Variants in DDAH1 observed in about 807,000 individuals in gnomAD.
DDAH1 encodes the protein dimethylarginine dimethylaminohydrolase 1.
In DDAH1, 19 loss-of-function variants were observed where a neutral mutation model predicts 28.8. That is an observed-to-expected ratio of 0.66 (90% CI 0.46 to 0.97). DDAH1 has a LOEUF of 0.97. Among genes scored for constraint, DDAH1 ranks in the 50% least tolerant of loss-of-function variants. The pLI is 0.00. For missense variants in DDAH1, 326 were observed against 375.9 expected, an observed-to-expected ratio of 0.87 and a Z score of 1.10; for synonymous variants, 153 against 154.4, an observed-to-expected ratio of 0.99 and a Z score of 0.07.
At chr1:85,559,048 A>G (rs1265791901) in intron 1 of DDAH1, among the ~76,000 whole-genome samples, 1 of 152,234 alleles carries the variant, frequency 6.6e-6, no homozygotes, top group Non-Finnish European at 1.5e-5. Flanking sequence ...GCAGTTTGAC[A>G]TTATATATCA....
At chr1:85,328,683 T>C (rs1477030283) in intron 4 of DDAH1, among the ~76,000 whole-genome samples, 1 of 152,170 alleles carries the variant, frequency 6.6e-6, no homozygotes, top group African/African-American at 2.4e-5. Flanking sequence ...AGCCAGAGGT[T>C]TACTAAGTAG....
chr1:85,445,577 T>C (rs995509802), intron 1 of DDAH1, among the ~76,000 whole-genome samples: 1 of 152,190 alleles, frequency 6.6e-6, no homozygotes, highest in Non-Finnish European at 1.5e-5. Context: ...ATATGCTCAA[T>C]GAAAATATCA....
intron 1 of DDAH1, among the ~76,000 whole-genome samples, chr1:85,450,612 T>G (rs1304952111): frequency 6.6e-6 from 1 of 152,196 alleles, no homozygotes; most frequent in East Asian, 1.9e-4. Context: ...TAATCACTGT[T>G]GTATAAAGCA....
intron 1 of DDAH1, among the ~76,000 whole-genome samples, chr1:85,574,463 C>T (rs1033321264): frequency 2.0e-5 from 3 of 152,178 alleles, no homozygotes; most frequent in African/African-American, 7.2e-5. Flanking sequence ...ATTGTTATGC[C>T]CAGTCAAGGC....
At chr1:85,486,467 T>A (rs1656206994) in intron 2 of DDAH1, among the ~76,000 whole-genome samples, 1 of 152,166 alleles carries the variant, frequency 6.6e-6, no homozygotes, top group African/African-American at 2.4e-5. Flanking sequence ...AGAGTTAGAA[T>A]CCTCCTGCAA....
chr1:85,577,322 G>C (rs1035862771), intron 1 of DDAH1, among the ~76,000 whole-genome samples: 1 of 152,252 alleles, frequency 6.6e-6, no homozygotes, highest in Admixed American at 6.5e-5. Context: ...CAAGCCAAGG[G>C]GATGGGGGCG....
At chr1:85,401,565 C>T (rs934068514) in intron 1 of DDAH1, among the ~76,000 whole-genome samples, 1 of 148,740 alleles carries the variant, frequency 6.7e-6, no homozygotes, top group Non-Finnish European at 1.5e-5. Flanking sequence ...AGTCGCATGA[C>T]CAAGGTTCAC....
chr1:85,431,571 A>C (rs1570534801), intron 1 of DDAH1, among the ~76,000 whole-genome samples: 5 of 143,332 alleles, frequency 3.5e-5, no homozygotes, highest in Admixed American at 7.0e-5. Flanking sequence ...CCTCACCTCT[A>C]CCCCCTCCTC....
chr1:85,395,612 C>T (rs1651772793), intron 1 of DDAH1, among the ~76,000 whole-genome samples: 2 of 150,850 alleles, frequency 1.3e-5, no homozygotes, highest in African/African-American at 2.4e-5. Flanking sequence ...GCAGAGATTG[C>T]GGTGAGCTGA....
At chr1:85,450,328 T>C (rs185918032) in intron 1 of DDAH1, among the ~76,000 whole-genome samples, 29 of 152,300 alleles carry the variant, frequency 1.9e-4, no homozygotes, top group African/African-American at 7.0e-4. Context: ...GACAAACCTG[T>C]ATCAAAAGTT....
intron 1 of DDAH1, among the ~76,000 whole-genome samples, chr1:85,507,993 T>C (rs1293037872): frequency 6.6e-6 from 1 of 152,242 alleles, no homozygotes; most frequent in African/African-American, 2.4e-5. Context: ...ACTTAATAAA[T>C]GATTTCATGA....
intron 2 of DDAH1, among the ~76,000 whole-genome samples, chr1:85,487,661 G>C (rs145800584): frequency 3.9e-5 from 6 of 152,202 alleles, no homozygotes; most frequent in African/African-American, 1.4e-4. Context: ...GCATCAAAAA[G>C]TATAAAAAGA....
intron 1 of DDAH1, among the ~76,000 whole-genome samples, chr1:85,397,636 T>C (rs186634630): frequency 6.6e-6 from 1 of 152,344 alleles, no homozygotes; most frequent in Admixed American, 6.5e-5. Flanking sequence ...ATGATTATTT[T>C]CATAAGCTCA....
intron 2 of DDAH1, chr1:85,496,140 A>T (rs1198093562): frequency 1.6e-6 from 1 of 634,152 alleles, no homozygotes; most frequent in Non-Finnish European, 2.0e-6. Flanking sequence ...TTAGCTGTAA[A>T]GGAGGACATC....
At chr1:85,571,351 G>T (rs756335148) in intron 1 of DDAH1, among the ~76,000 whole-genome samples, 1 of 152,164 alleles carries the variant, frequency 6.6e-6, no homozygotes, top group Admixed American at 6.5e-5. Flanking sequence ...GCTTCAAAGG[G>T]AATGTGTATG....
intron 1 of DDAH1, among the ~76,000 whole-genome samples, chr1:85,506,928 C>G (rs1204434867): frequency 6.6e-6 from 1 of 151,998 alleles, no homozygotes; most frequent in African/African-American, 2.4e-5. Context: ...CAGAGAGTGA[C>G]CACGGGGATA....
At chr1:85,513,831 A>G (rs1253937545) in intron 1 of DDAH1, among the ~76,000 whole-genome samples, 1 of 152,218 alleles carries the variant, frequency 6.6e-6, no homozygotes, top group East Asian at 1.9e-4. Flanking sequence ...TAGAATGGCA[A>G]TCATTAAAAA....
intron 1 of DDAH1, among the ~76,000 whole-genome samples, chr1:85,446,947 G>T (rs1209444334): frequency 6.6e-6 from 1 of 152,146 alleles, no homozygotes; most frequent in Non-Finnish European, 1.5e-5. Flanking sequence ...CTCACTGAAA[G>T]GATATAGGAC....
chr1:85,373,783 G>A (rs1369461594), intron 1 of DDAH1, among the ~76,000 whole-genome samples: 1 of 152,082 alleles, frequency 6.6e-6, no homozygotes, highest in East Asian at 1.9e-4. Context: ...AGAACAAAAA[G>A]AATGTGGGTA....
Sources: gnomAD v4.1 joint callset for allele counts (sites outside exome capture counted in the v4.1 genomes callset) on GRCh38, gnomAD v4.1.1 for gene constraint, MANE v1.5 for transcripts, NCBI Gene and HGNC (gene_info 2026-07-23, HGNC 2026-07-21) for gene names.